Variants in LTBP1 observed in about 807,000 individuals in gnomAD.
LTBP1 encodes latent transforming growth factor beta binding protein 1, also known as latent-transforming growth factor beta-binding protein 1.
A neutral mutation model predicts 207.6 loss-of-function variants in LTBP1; 129 were observed. That is an observed-to-expected ratio of 0.62 (90% confidence interval 0.54 to 0.72). The LOEUF (loss-of-function observed/expected upper bound fraction) is 0.72. Ranked by LOEUF, LTBP1 falls within the 30% of genes least tolerant of loss-of-function variation. The probability of loss-of-function intolerance (pLI) is 0.00; values close to 1 mark genes in which losing one functional copy is unlikely to be tolerated. For synonymous variants in LTBP1, 963 were observed against 833.7 expected (o/e 1.16, Z -2.67); for missense variants, 2,281 against 2,217.2 (o/e 1.03, Z -0.58).
intron 2 of LTBP1, among the ~76,000 whole-genome samples, chr2:32,992,745 T>A (rs976419618): frequency 6.6e-6 from 1 of 151,996 alleles, no homozygotes; most frequent in Non-Finnish European, 1.5e-5. Context: ...CAGTGACAGT[T>A]GTTATTGCTG....
intron 11 of LTBP1, among the ~76,000 whole-genome samples, chr2:33,253,598 A>G (rs879880251): frequency 1.3e-5 from 2 of 152,320 alleles, no homozygotes; most frequent in Non-Finnish European, 2.9e-5. Context: ...TGGACATTAA[A>G]TAGTCTACTC....
chr2:32,985,521 C>T (rs923165864), intron 2 of LTBP1, among the ~76,000 whole-genome samples: 2 of 152,270 alleles, frequency 1.3e-5, no homozygotes, highest in South Asian at 4.1e-4. Flanking sequence ...AGCTACCAAG[C>T]CTGGAGATGT....
rs2092874649 is a variant in LTBP1 at position 33,256,830 on chromosome 2, G to C, written c.2168-454G>C. 4.8e-5 allele frequency among the ~76,000 whole-genome samples: 6 copies of C among 125,644 alleles called. No homozygotes were observed. The Admixed American group carries it at 5.1e-4, about 11-fold the overall frequency. The allele number at this position is 125,644 out of a possible 152,430, so 82.4% of individuals were successfully genotyped here. ...ATCAGTGGATTCAACCCAATTGGTT[G>C]GTTGAATCTGTGGATGCAGAACTGG... On this transcript the variant is annotated intron_variant, in intron 11 of 33. Coordinates refer to ENST00000404816, the MANE Select transcript of LTBP1 (RefSeq NM_206943.4).
chr2:32,958,981 A>G (rs529140087), intron 2 of LTBP1, among the ~76,000 whole-genome samples: 2 of 152,362 alleles, frequency 1.3e-5, no homozygotes, highest in East Asian at 1.9e-4. Context: ...TGAATGTTGT[A>G]TGATTTTCCC....
chr2:33,083,321 T>C lies in LTBP1; in HGVS notation c.864-27261T>C, dbSNP rs192332491. Among the ~76,000 whole-genome samples, 28 of 152,008 alleles carry C rather than the reference T, an allele frequency of 1.8e-4. No homozygotes were observed. The East Asian group carries it at 5.0e-3, about 27-fold the overall frequency. Reference sequence around the variant, plus strand: ...GATTGAGGAGGAAAGAAGGGGAATGTACCAGAAAGAAAAAAAAATTAGATC... The same window carrying C: ...GATTGAGGAGGAAAGAAGGGGAATGCACCAGAAAGAAAAAAAAATTAGATC... On this transcript the variant is annotated intron_variant, in intron 3 of 33. Coordinates refer to ENST00000404816, the MANE Select transcript of LTBP1 (RefSeq NM_206943.4).
intron 3 of LTBP1, among the ~76,000 whole-genome samples, chr2:33,043,525 A>T (rs1308908176): frequency 6.6e-6 from 1 of 152,200 alleles, no homozygotes; most frequent in Admixed American, 6.5e-5. Flanking sequence ...CCACGTGCGC[A>T]GACCATGAAG....
intron 7 of LTBP1, among the ~76,000 whole-genome samples, chr2:33,196,551 A>G (rs1049380640): frequency 7.9e-5 from 12 of 152,270 alleles, no homozygotes; most frequent in African/African-American, 1.9e-4. Context: ...GGAGATGACT[A>G]TAGGGGATTT....
intron 2 of LTBP1, among the ~76,000 whole-genome samples, chr2:32,991,559 C>T (rs219154): frequency 0.22 from 33,975 of 152,118 alleles, 4,678 homozygotes; most frequent in Non-Finnish European, 0.31. Flanking sequence ...TTTATTCTTG[C>T]GGAACTTCAC....
At chr2:33,038,372 A>G (rs1223136944) in intron 3 of LTBP1, among the ~76,000 whole-genome samples, 2 of 152,164 alleles carry the variant, frequency 1.3e-5, no homozygotes, top group African/African-American at 4.8e-5. Context: ...CTTTTACCTT[A>G]TGCAGCACCA....
At chr2:33,278,185 C>T (rs564540791) in intron 18 of LTBP1, among the ~76,000 whole-genome samples, 2 of 151,738 alleles carry the variant, frequency 1.3e-5, no homozygotes, top group Non-Finnish European at 1.5e-5. Flanking sequence ...AGATAAGATA[C>T]TTAAGTAATA....
chr2:33,211,145 G>A (rs184465895), intron 7 of LTBP1, among the ~76,000 whole-genome samples: 4 of 152,112 alleles, frequency 2.6e-5, no homozygotes, highest in Non-Finnish European at 5.9e-5. Context: ...TCATTTTTTA[G>A]TGTTTTAAAT....
Position 33,140,372 on chromosome 2 carries a change from A to C in LTBP1, c.1201+5412A>C, listed in dbSNP as rs188037244. Among the ~76,000 whole-genome samples the C allele has an allele frequency of 2.8e-4, 42 of 152,306 alleles. No individual in the cohort carries two copies. The South Asian group carries it at 5.0e-3, about 18-fold the overall frequency. On this transcript the variant is annotated intron_variant, in intron 5 of 33. Transcript: ENST00000404816. The stretch of plus-strand genomic sequence containing the variant: ...CCATTCGTCATTGTTTGGACTCCTT[A>C]ATGTTTGTCTCACACAGAAACCAAT...
chr2:33,187,406 T>G (rs59286165), intron 6 of LTBP1, among the ~76,000 whole-genome samples: 4,389 of 152,258 alleles, frequency 0.029, 214 homozygotes, highest in African/African-American at 0.1. Flanking sequence ...AGCAAGACAG[T>G]GTTCTGGCCC....
intron 3 of LTBP1, among the ~76,000 whole-genome samples, chr2:33,104,843 A>G (rs956538934): frequency 2.1e-4 from 32 of 149,722 alleles, no homozygotes; most frequent in Non-Finnish European, 1.2e-4. Context: ...CCTCTCGAGA[A>G]TAGAGTGGCC....
At position 33,202,022 on chromosome 2, in the gene LTBP1, A is replaced by AACAC. The variant is rs10558832; in HGVS notation, c.1701+13207_1701+13210dup. Reference sequence around the variant, plus strand: ...CCTAAGCTCTAAAGCTTAGCACTGGAACACACACACACACACACACACACA... The same window carrying AACAC: ...CCTAAGCTCTAAAGCTTAGCACTGGAACACACACACACACACACACACACACACA... On this transcript the variant is annotated intron_variant, in intron 7 of 33. Coordinates refer to ENST00000404816, the MANE Select transcript of LTBP1 (RefSeq NM_206943.4). 6.3e-3 allele frequency among the ~76,000 whole-genome samples: 882 copies of AACAC among 140,658 alleles called. 2 individuals are homozygous for AACAC. The highest frequency in any genetic ancestry group is 0.014 in the Middle Eastern group (4 of 286). The allele number at this position is 140,658 out of a possible 152,430, so 92.3% of individuals were successfully genotyped here.
chr2:32,956,288 T>C (rs2148336408), intron 2 of LTBP1, among the ~76,000 whole-genome samples: 1 of 152,360 alleles, frequency 6.6e-6, no homozygotes, highest in Admixed American at 6.5e-5. Context: ...TTGATAGCAT[T>C]TGACCTACTG....
intron 3 of LTBP1, among the ~76,000 whole-genome samples, chr2:33,072,324 C>T (rs1048639684): frequency 5.3e-5 from 8 of 152,234 alleles, no homozygotes; most frequent in African/African-American, 1.9e-4. Flanking sequence ...CTGAAGCTCT[C>T]TGAACCCAGT....
rs368792991 is a variant in LTBP1 at position 33,044,347 on chromosome 2, G to C, written c.863+23141G>C. On this transcript the variant is annotated intron_variant, in intron 3 of 33. Transcript: ENST00000404816. ...TTCTCATTGTTCAACTCCCACTTAC[G>C]AGTGAGAACATGTGGTGTTTGGTTT... Among the ~76,000 whole-genome samples the C allele has an allele frequency of 2.0e-5, 3 of 152,012 alleles. No individual in the cohort carries two copies. The East Asian group carries it at 5.8e-4, about 29-fold the overall frequency.
intron 3 of LTBP1, among the ~76,000 whole-genome samples, chr2:33,052,527 G>T (rs537864319): frequency 2.0e-5 from 3 of 152,212 alleles, no homozygotes; most frequent in African/African-American, 7.2e-5. Flanking sequence ...GTGAGTCTAG[G>T]GACTGGATTT....
Sources: allele counts gnomAD v4.1 joint callset (sites outside exome capture counted in the v4.1 genomes callset), GRCh38; gene constraint gnomAD v4.1.1; transcripts MANE v1.5; gene names NCBI Gene and HGNC (gene_info 2026-07-23, HGNC 2026-07-21).